Variants in COL25A1 observed in about 807,000 individuals in gnomAD.
COL25A1 encodes collagen type XXV alpha 1 chain, also known as collagen alpha-1(XXV) chain.
COL25A1 carries 103 observed loss-of-function variants against 128.4 expected under a neutral mutation model. The observed-to-expected ratio is 0.80, with a 90% confidence interval of 0.68 to 0.94. The LOEUF is 0.94. Among genes scored for constraint, COL25A1 ranks in the 40% least tolerant of loss-of-function variants. COL25A1 has a pLI of 0.00. For missense variants in COL25A1, 745 were observed against 840.0 expected, an observed-to-expected ratio of 0.89 and a Z score of 1.40; for synonymous variants, 279 against 277.2, an observed-to-expected ratio of 1.01 and a Z score of -0.06.
intron 24 of COL25A1, among the ~76,000 whole-genome samples, chr4:108,858,011 G>C (rs1211280104): frequency 6.6e-6 from 1 of 151,964 alleles, no homozygotes; most frequent in East Asian, 1.9e-4. Context: ...AATTTATATG[G>C]GAAAGAAAGG....
rs746692172 is a variant in COL25A1 at position 108,889,709 on chromosome 4, C to T, written c.931G>A (p.Gly311Arg). 1.2e-6 allele frequency: 2 copies of T among 1,613,596 alleles called. No homozygotes were observed. The highest frequency in any genetic ancestry group is 2.2e-5 in the South Asian group (2 of 91,060). ...EKGDPGSSAA[G>R]IKGEPGESGR... The stretch of plus-strand genomic sequence containing the variant: ...TGCAAGGTTATAGTTACCTTAATTC[C>T]TGCAGCAGATGATCCAGGGTCACCC... Residue 311 changes from glycine (G) to arginine (R), a missense_variant, in exon 17 of 38, where the codon GGA (glycine) becomes AGA (arginine). Coordinates refer to ENST00000399132, the MANE Select transcript of COL25A1 (RefSeq NM_198721.4).
chr4:108,885,559 T>C (rs1375534346), intron 18 of COL25A1, among the ~76,000 whole-genome samples: 1 of 152,186 alleles, frequency 6.6e-6, no homozygotes, highest in Non-Finnish European at 1.5e-5. Flanking sequence ...TCCAAGTAGA[T>C]TAAATTTCAC....
At chr4:109,264,766 A>G (rs1367840119) in intron 3 of COL25A1, among the ~76,000 whole-genome samples, 4 of 152,188 alleles carry the variant, frequency 2.6e-5, no homozygotes, top group Non-Finnish European at 5.9e-5. Context: ...ATCCAGCAAC[A>G]TGTGATATCA....
At chr4:109,083,523 C>T (rs1019485949) in intron 3 of COL25A1, among the ~76,000 whole-genome samples, 2 of 123,436 alleles carry the variant, frequency 1.6e-5, no homozygotes, top group Non-Finnish European at 3.1e-5. Flanking sequence ...AGTGCAGTGG[C>T]GCGATCTCGA....
chr4:109,114,629 G>A (rs1767350175), intron 3 of COL25A1, among the ~76,000 whole-genome samples: 1 of 152,072 alleles, frequency 6.6e-6, no homozygotes, highest in Admixed American at 6.6e-5. Context: ...AGGAAGGCTG[G>A]AGCATAGGAT....
intron 3 of COL25A1, among the ~76,000 whole-genome samples, chr4:109,273,167 T>C (rs950093390): frequency 3.3e-5 from 5 of 152,170 alleles, no homozygotes; most frequent in Non-Finnish European, 7.4e-5. Flanking sequence ...TAATCCACTA[T>C]AGCCATAGGC....
chr4:109,215,546 C>T (rs1031710780), intron 3 of COL25A1, among the ~76,000 whole-genome samples: 4 of 152,136 alleles, frequency 2.6e-5, no homozygotes, highest in Non-Finnish European at 4.4e-5. Context: ...TAGAATATGT[C>T]TTTAAAACAA....
At chr4:108,909,446 C>CGGAAGGT (rs1743944516) in intron 13 of COL25A1, among the ~76,000 whole-genome samples, 2 of 152,116 alleles carry the variant, frequency 1.3e-5, no homozygotes, top group Non-Finnish European at 2.9e-5. Flanking sequence ...GTGACCAAAC[C>CGGAAGGT]TTCCTTATGC....
intron 19 of COL25A1, among the ~76,000 whole-genome samples, chr4:108,869,467 C>A (rs1421424728): frequency 6.6e-6 from 1 of 152,156 alleles, no homozygotes; most frequent in African/African-American, 2.4e-5. Context: ...TACAGGTAAC[C>A]TGCGGGCTCA....
chr4:108,959,545 T>C (rs1750438310), intron 8 of COL25A1, among the ~76,000 whole-genome samples: 2 of 152,182 alleles, frequency 1.3e-5, no homozygotes, highest in Non-Finnish European at 2.9e-5. Flanking sequence ...AGAAATTCCA[T>C]ATAAGTTGTG....
chr4:109,053,924 G>A (rs1041113940), intron 3 of COL25A1, among the ~76,000 whole-genome samples: 5 of 152,128 alleles, frequency 3.3e-5, no homozygotes, highest in Non-Finnish European at 7.4e-5. Flanking sequence ...CTCACGCCCT[G>A]GGTGATTGTG....
At chr4:108,940,310 G>A (rs1747932932) in intron 10 of COL25A1, among the ~76,000 whole-genome samples, 1 of 152,102 alleles carries the variant, frequency 6.6e-6, no homozygotes, top group Non-Finnish European at 1.5e-5. Context: ...GATTCCCAGT[G>A]TATTCAGTGG....
intron 3 of COL25A1, among the ~76,000 whole-genome samples, chr4:109,053,933 T>G (rs188646079): frequency 5.0e-4 from 76 of 152,264 alleles, no homozygotes; most frequent in African/African-American, 1.6e-3. Context: ...TGGGTGATTG[T>G]GCTTAGGTGC....
At chr4:108,974,712 T>C (rs951889368) in intron 6 of COL25A1, 153 bp from the exon 7 acceptor site, 5 of 617,714 alleles carry the variant, frequency 8.1e-6, no homozygotes, top group Non-Finnish European at 1.4e-5. Flanking sequence ...ACTATAATCA[T>C]ATTAGAATGT....
At chr4:108,974,649 A>G in intron 6 of COL25A1, 90 bp from the exon 7 acceptor site, 1 of 1,064,532 alleles carries the variant, frequency 9.4e-7, no homozygotes, top group African/African-American at 1.6e-5. Context: ...GATTCATTCA[A>G]AGAATACAGA....
chr4:108,848,696 C>A, intron 27 of COL25A1, 63 bp downstream of exon 27: 2 of 1,217,818 alleles, frequency 1.6e-6, no homozygotes, highest in Non-Finnish European at 2.4e-6. Flanking sequence ...GGCTTCAAAC[C>A]TACAATAAAA....
chr4:109,010,337 G>A, intron 6 of COL25A1, 21 bp downstream of exon 6: 1 of 1,560,848 alleles, frequency 6.4e-7, no homozygotes, highest in South Asian at 1.2e-5. Flanking sequence ...AAAATAATTT[G>A]CTAGAAAAGA....
At chr4:108,984,057 C>A (rs1424268955) in intron 6 of COL25A1, among the ~76,000 whole-genome samples, 1 of 152,110 alleles carries the variant, frequency 6.6e-6, no homozygotes, top group East Asian at 1.9e-4. Context: ...CTTTACAATC[C>A]CTGAGCTAGA....
chr4:109,239,374 GTA>G (rs1217026796), intron 3 of COL25A1, among the ~76,000 whole-genome samples: 57 of 90,374 alleles, frequency 6.3e-4, no homozygotes, highest in East Asian at 5.8e-3. Context: ...ATATGTGTGT[GTA>G]TGTGTGTGTG....
Sources: gnomAD v4.1 joint callset for allele counts (sites outside exome capture counted in the v4.1 genomes callset) on GRCh38, gnomAD v4.1.1 for gene constraint, MANE v1.5 for transcripts, NCBI Gene and HGNC (gene_info 2026-07-23, HGNC 2026-07-21) for gene names.